Variants in SNX4 observed in about 807,000 individuals in gnomAD.
SNX4 encodes the protein sorting nexin-4.
In SNX4, 49 loss-of-function variants were observed where a neutral mutation model predicts 70.8. The observed-to-expected ratio is 0.69, with a 90% CI of 0.55 to 0.88. The LOEUF (loss-of-function observed/expected upper bound fraction) is 0.88. Among genes scored for constraint, SNX4 ranks in the 40% least tolerant of loss-of-function variants. The probability of loss-of-function intolerance (pLI) is 0.00; values close to 1 mark genes in which losing one functional copy is unlikely to be tolerated. For missense variants in SNX4, 528 were observed against 544.8 expected (o/e 0.97, Z 0.31); for synonymous variants, 206 against 183.8 (o/e 1.12, Z -0.98).
At chr3:125,497,275 A>T (rs1478590830) in intron 5 of SNX4, 66 bp downstream of exon 5, 13 of 903,652 alleles carry the variant, frequency 1.4e-5, no homozygotes, top group Non-Finnish European at 2.3e-5. Flanking sequence ...CAAGTTCCCA[A>T]TGAGTGCATG....
intron 8 of SNX4, among the ~76,000 whole-genome samples, chr3:125,475,611 C>T (rs1001619553): frequency 2.6e-5 from 4 of 152,156 alleles, no homozygotes; most frequent in South Asian, 4.1e-4. Context: ...GTGATCCACC[C>T]GCCTTGGCCT....
At chr3:125,518,445 G>A (rs1024875072) in intron 1 of SNX4, among the ~76,000 whole-genome samples, 1 of 151,580 alleles carries the variant, frequency 6.6e-6, no homozygotes, top group Non-Finnish European at 1.5e-5. Flanking sequence ...CTGGGAGACA[G>A]AGTGAGAACC....
At chr3:125,489,729 A>C (rs909668950) in intron 5 of SNX4, among the ~76,000 whole-genome samples, 12 of 152,276 alleles carry the variant, frequency 7.9e-5, no homozygotes, top group Admixed American at 7.2e-4. Flanking sequence ...ACGAACAGGC[A>C]TATAGCTCTG....
chr3:125,460,107 T>A (rs957403168), intron 10 of SNX4, among the ~76,000 whole-genome samples: 1 of 149,076 alleles, frequency 6.7e-6, no homozygotes, highest in Admixed American at 6.8e-5. Flanking sequence ...GGCAGGAGAA[T>A]AGTTTGAACC....
intron 7 of SNX4, among the ~76,000 whole-genome samples, chr3:125,479,314 G>A (rs1057351359): frequency 1.3e-5 from 2 of 152,124 alleles, no homozygotes; most frequent in African/African-American, 2.4e-5. Flanking sequence ...AGCTCTTTGG[G>A]AGGCTGAGGT....
Position 125,504,762 on chromosome 3 carries a change from A to AAAC in SNX4, c.142-21_142-19dup, listed in dbSNP as rs745308330. ...TGTGTCATCTGGACAAAAGTAAATA[A>AAAC]AACAACAACAACAACAAAAACCTTT... On this transcript the variant is annotated intron_variant, in intron 1 of 13. Coordinates refer to ENST00000251775, the MANE Select transcript of SNX4 (RefSeq NM_003794.4). The AAAC allele has an allele frequency of 3.1e-6, 5 of 1,608,638 alleles. No homozygotes were observed. Among genetic ancestry groups the AAAC allele is most frequent in the East Asian group, 2.2e-5 (1 of 44,828 alleles).
At position 125,520,189 on chromosome 3, in the gene SNX4, G is replaced by A; in HGVS notation, c.-17C>T. 1.5e-6 allele frequency: 2 copies of A among 1,352,634 alleles called. No individual in the cohort carries two copies. The highest frequency in any genetic ancestry group is 1.9e-6 in the Non-Finnish European group (2 of 1,055,004). The allele number at this position is 1,352,634 out of a possible 1,614,324, so 83.8% of individuals were successfully genotyped here. On this transcript the variant is annotated 5_prime_UTR_variant, in exon 1 of 14. Transcript: ENST00000251775. The stretch of plus-strand genomic sequence containing the variant: ...CTGCTCCATGGCTGCAGTTCGGCGC[G>A]GCGAACCCAGTGCGCCTGCGCCGCC...
At chr3:125,510,525 G>A (rs567775427) in intron 1 of SNX4, among the ~76,000 whole-genome samples, 7 of 151,974 alleles carry the variant, frequency 4.6e-5, no homozygotes, top group Non-Finnish European at 1.0e-4. Context: ...CACCGCGCCC[G>A]GCTGAATGGA....
At chr3:125,504,105 T>C (rs1163559112) in intron 2 of SNX4, among the ~76,000 whole-genome samples, 1 of 151,592 alleles carries the variant, frequency 6.6e-6, no homozygotes, top group Non-Finnish European at 1.5e-5. Context: ...CCGAGGCGGG[T>C]GGATCGTTTG....
chr3:125,483,612 C>T (rs1000363178), intron 6 of SNX4, among the ~76,000 whole-genome samples: 1 of 152,196 alleles, frequency 6.6e-6, no homozygotes, highest in Non-Finnish European at 1.5e-5. Flanking sequence ...TTGATTAACA[C>T]ATTGGTACAA....
chr3:125,480,177 A>G (rs1934378936), intron 7 of SNX4, 70 bp downstream of exon 7: 2 of 980,672 alleles, frequency 2.0e-6, no homozygotes, highest in African/African-American at 3.3e-5. Context: ...CTACTACTTG[A>G]AAACAGAATG....
intron 11 of SNX4, among the ~76,000 whole-genome samples, chr3:125,454,647 A>G (rs890387215): frequency 1.3e-5 from 2 of 152,230 alleles, no homozygotes; most frequent in African/African-American, 4.8e-5. Context: ...CCTTAAACCA[A>G]TCTCACTGAA....
intron 13 of SNX4, chr3:125,449,025 A>G (rs973327495): frequency 9.2e-5 from 14 of 152,098 alleles, no homozygotes; most frequent in African/African-American, 2.9e-4. Context: ...ATATTCTCCA[A>G]TAATTACTCA....
rs146289872 is a variant in SNX4, at chr3:125,466,861, G to A, written c.854+2593C>T. On this transcript the variant is annotated intron_variant, in intron 9 of 13. Coordinates refer to ENST00000251775, the MANE Select transcript of SNX4 (RefSeq NM_003794.4). ...GCACTTTGGGAGGCTGAGGTGGGCG[G>A]ATCATGAGGTCAGGAGTTTGAGACC... 7.5e-3 allele frequency among the ~76,000 whole-genome samples: 1,142 copies of A among 152,206 alleles called. 5 individuals carry two copies. Among genetic ancestry groups the A allele is most frequent in the Non-Finnish European group, 0.011 (762 of 67,992 alleles).
intron 9 of SNX4, among the ~76,000 whole-genome samples, chr3:125,466,831 T>G (rs980552273): frequency 1.2e-4 from 18 of 152,024 alleles, no homozygotes; most frequent in Admixed American, 1.0e-3. Context: ...ACGCCTATAA[T>G]CCCAGCACTT....
rs540267264 is a variant in SNX4, at chr3:125,469,204, C to T, written c.854+250G>A. Among the ~76,000 whole-genome samples the T allele has an allele frequency of 5.3e-5, 8 of 152,226 alleles. No homozygotes were observed. In the South Asian group the frequency reaches 1.7e-3, roughly 32 times the overall value. ...AATGGGTGTTAAAATTCATCAAATG[C>T]TTTTTCTACATGTATGGAAATGAAC... On this transcript the variant is annotated intron_variant, in intron 9 of 13. Coordinates refer to ENST00000251775, the MANE Select transcript of SNX4 (RefSeq NM_003794.4).
Position 125,488,683 on chromosome 3 carries a change from A to G in SNX4, c.653+725T>C, listed in dbSNP as rs529899242. 2.6e-4 allele frequency among the ~76,000 whole-genome samples: 40 copies of G among 152,314 alleles called. No individual in the cohort carries two copies. In the East Asian group the frequency reaches 7.7e-3, roughly 29 times the overall value. On this transcript the variant is annotated intron_variant, in intron 6 of 13. Transcript: ENST00000251775. ...CCTTTGTCTGATAAGAATTTACACA[A>G]TGTAGAAATTAGTGCTGAAGGATTC... is the stretch of plus-strand genomic sequence containing the variant.
Position 125,476,762 on chromosome 3 carries a change from A to G in SNX4, c.727-6T>C. ...TAGAGTCGATCTGCTACTCTCTGAA[A>G]TAAATATTTAATAGAAATTGCTTTT... On this transcript the variant is annotated splice_polypyrimidine_tract_variant and splice_region_variant and intron_variant, in intron 7 of 13. Coordinates refer to ENST00000251775, the MANE Select transcript of SNX4 (RefSeq NM_003794.4). 1 of 1,553,956 alleles carries G rather than the reference A, an allele frequency of 6.4e-7. No individual in the cohort carries two copies. The highest frequency in any genetic ancestry group is 8.8e-7 in the Non-Finnish European group (1 of 1,136,012).
chr3:125,458,814 CAAAAAAAAAAAAAAA>C (rs71148180), intron 10 of SNX4, among the ~76,000 whole-genome samples: 6 of 64,532 alleles, frequency 9.3e-5, no homozygotes, highest in African/African-American at 3.2e-4. Context: ...GACTCCGTCT[CAAAAAAAAAAAAAAA>C]AAAAAAAAAA....
Sources: allele counts gnomAD v4.1 joint callset (sites outside exome capture counted in the v4.1 genomes callset), GRCh38; gene constraint gnomAD v4.1.1; transcripts MANE v1.5; gene names NCBI Gene and HGNC (gene_info 2026-07-23, HGNC 2026-07-21).